AQP2: variants seen among roughly 807,000 people sequenced by gnomAD.
The protein encoded by AQP2 is aquaporin 2, also known as aquaporin-2.
Under a neutral mutation model 21.6 loss-of-function variants are expected in AQP2, and 20 were observed. The observed-to-expected ratio is 0.92, with a 90% CI of 0.65 to 1.34. AQP2 has a LOEUF of 1.34. Ranked by LOEUF, AQP2 falls within the 40% of genes most tolerant of loss-of-function variation. AQP2 has a pLI of 0.00. For synonymous variants in AQP2, 168 were observed against 166.9 expected (o/e 1.01, Z -0.05); for missense variants, 325 against 363.4 (o/e 0.89, Z 0.86).
intron 1 of AQP2, among the ~76,000 whole-genome samples, chr12:49,952,423 G>A (rs1565636045): frequency 6.6e-6 from 1 of 152,204 alleles, no homozygotes; most frequent in Non-Finnish European, 1.5e-5. Context: ...TCTTTAAAGA[G>A]GAAAATATGA....
At chr12:49,951,441 C>T (rs1238634751) in intron 1 of AQP2, 2 of 566,580 alleles carry the variant, frequency 3.5e-6, no homozygotes, top group Non-Finnish European at 6.1e-6. Context: ...GGAAGAGCCT[C>T]ATCCAGGTTT....
At chr12:49,955,284 A>G in intron 3 of AQP2, 115 bp from the exon 4 acceptor site, 1 of 1,060,814 alleles carries the variant, frequency 9.4e-7, no homozygotes, top group Non-Finnish European at 1.3e-6. Flanking sequence ...TAAGCATTTT[A>G]CTAGATTAAT....
At chr12:49,954,472 A>G (rs1285423045) in intron 2 of AQP2, 153 bp downstream of exon 2, 2 of 1,204,662 alleles carry the variant, frequency 1.7e-6, no homozygotes, top group Non-Finnish European at 2.4e-6. Flanking sequence ...CCCCAGAGGG[A>G]CAGATATCAC....
In AQP2 at chr12:49,955,525, G is replaced by A. The variant is rs1363342807; in HGVS notation, c.733G>A (p.Asp245Asn). ...AVLKGLEPDT[D>N]WEEREVRRRQ... Reference sequence around the variant, plus strand: ...GCTGAAGGGCCTGGAGCCGGACACCGATTGGGAGGAGCGCGAGGTGCGACG... The same window carrying A: ...GCTGAAGGGCCTGGAGCCGGACACCAATTGGGAGGAGCGCGAGGTGCGACG... Residue 245 changes from aspartate to asparagine, a missense_variant, in exon 4 of 4, where the codon GAT becomes AAT. Asp to Asn is a conservative substitution (Grantham distance 23). Coordinates refer to ENST00000199280, the MANE Select transcript of AQP2 (RefSeq NM_000486.6). 3 of 1,611,584 alleles carry A rather than the reference G, an allele frequency of 1.9e-6. No homozygotes were observed. The highest frequency in any genetic ancestry group is 2.5e-6 in the Non-Finnish European group (3 of 1,179,578).
rs780916640 is a variant in AQP2 at position 49,955,417 on chromosome 12, CT to C, written c.626del (p.Leu209ArgfsTer29). The C allele has an allele frequency of 6.2e-7, 1 of 1,612,616 alleles. No individual in the cohort carries two copies. On this transcript the variant is annotated frameshift_variant, in exon 4 of 4. Coordinates refer to ENST00000199280, the MANE Select transcript of AQP2 (RefSeq NM_000486.6). LOFTEE classifies it high-confidence loss of function. ...CCCCCAGGTCTTCTGGATCGGACCCCTGGTGGGCGCCATCCTGGGCTCCCTC... is the reference window on the plus strand; with the variant it reads ...CCCCCAGGTCTTCTGGATCGGACCCCGGTGGGCGCCATCCTGGGCTCCCTC... ...DDHWVFWIGPLVGAILGSLLY... is the reference protein window; with the variant it reads ...DDHWVFWIGPXVGAILGSLLY...
Position 49,957,608 on chromosome 12 carries a change from GCT to G in AQP2, c.*2005_*2006del, listed in dbSNP as rs1176561438. 6.6e-6 allele frequency: 1 copy of G among 152,238 alleles called. No homozygotes were observed. Among genetic ancestry groups the G allele is most frequent in the African/African-American group, 2.4e-5 (1 of 41,420 alleles). 9.4% of individuals were successfully genotyped at this position (152,238 alleles called of 1,614,324 possible). A position where few individuals can be genotyped will look rare whatever the true frequency, so the allele number is the denominator to read the frequency against. On this transcript the variant is annotated 3_prime_UTR_variant, in exon 4 of 4. Transcript: ENST00000199280. Reference sequence around the variant, plus strand: ...CTCTTTCCTGTCTTCCTTGACCAAAGCTCTCTTTGAGGTCCAAAAAAGGCTGC... The same window carrying G: ...CTCTTTCCTGTCTTCCTTGACCAAAGCTCTTTGAGGTCCAAAAAAGGCTGC...
chr12:49,955,993 C>T lies in AQP2; in HGVS notation c.*385C>T, dbSNP rs1051867219. ...TGCCTTGGGGGTTCCGGGAATGATG[C>T]AACTGGTTTTACTAGTGTGCAAGTG... On this transcript the variant is annotated 3_prime_UTR_variant, in exon 4 of 4. Transcript: ENST00000199280. 2 of 406,516 alleles carry T rather than the reference C, an allele frequency of 4.9e-6. No individual in the cohort carries two copies. The highest frequency in any genetic ancestry group is 9.2e-6 in the Non-Finnish European group (2 of 216,564). The allele number at this position is 406,516 out of a possible 1,614,324, so 25.2% of individuals were successfully genotyped here.
intron 1 of AQP2, among the ~76,000 whole-genome samples, 182 bp from the exon 2 acceptor site, chr12:49,953,973 C>A (rs1947347489): frequency 6.6e-6 from 1 of 152,134 alleles, no homozygotes; most frequent in Non-Finnish European, 1.5e-5. Flanking sequence ...TCAGGGGCTG[C>A]CTTTGGGCCA....
rs1240491953 is a variant in AQP2, at chr12:49,950,956, A to G, written c.126A>G (p.Leu42=). The change falls in exon 1 of 4, where the codon CTA becomes CTG. Residue 42 remains leucine (L), a synonymous_variant. Coordinates refer to ENST00000199280, the MANE Select transcript of AQP2 (RefSeq NM_000486.6). ...GGCCACAGGCCCTGCCCTCTGTGCTACAGATTGCCATGGCGTTTGGCTTGG... is the reference window on the plus strand; with the variant it reads ...GGCCACAGGCCCTGCCCTCTGTGCTGCAGATTGCCATGGCGTTTGGCTTGG... The part of the protein sequence containing the change: ...LNWPQALPSV[L]QIAMAFGLGI... The G allele has an allele frequency of 6.2e-7, 1 of 1,614,158 alleles. No homozygotes were observed. Among genetic ancestry groups the G allele is most frequent in the Admixed American group, 1.7e-5 (1 of 60,030 alleles).
chr12:49,951,007 G>A lies in AQP2; in HGVS notation c.177G>A (p.Leu59=). Reference sequence around the variant, plus strand: ...GTATTGGCACCCTGGTACAGGCTCTGGGCCACATAAGCGGGGCCCACATCA... The same window carrying A: ...GTATTGGCACCCTGGTACAGGCTCTAGGCCACATAAGCGGGGCCCACATCA... ...GLGIGTLVQA[L]GHISGAHINP... is the part of the protein sequence containing the mutation. The change falls in exon 1 of 4, where the codon CTG becomes CTA. Residue 59 remains leucine, a synonymous_variant. Transcript: ENST00000199280. 6.2e-7 allele frequency: 1 copy of A among 1,614,096 alleles called. No homozygotes were observed. The highest frequency in any genetic ancestry group is 8.5e-7 in the Non-Finnish European group (1 of 1,180,042).
chr12:49,953,988 C>T, intron 1 of AQP2, 167 bp from the exon 2 acceptor site: 3 of 1,004,364 alleles, frequency 3.0e-6, no homozygotes, highest in Admixed American at 3.8e-5. Flanking sequence ...GGGCCAGGGC[C>T]CAGGAAGAAG....
intron 1 of AQP2, 106 bp from the exon 2 acceptor site, chr12:49,954,049 C>T (rs963673323): frequency 1.3e-6 from 2 of 1,504,962 alleles, no homozygotes. Flanking sequence ...GTTCCGGCTC[C>T]CAGCCCAGAG....
rs1947326245 is a variant in AQP2 at position 49,951,131 on chromosome 12, G to A, written c.301G>A (p.Ala101Thr). ...CCAGCTGCTGGGGGCTGTGGCCGGAGCCGCTCTGCTCCATGAGATCACGCC... is the reference window on the plus strand; with the variant it reads ...CCAGCTGCTGGGGGCTGTGGCCGGAACCGCTCTGCTCCATGAGATCACGCC... ...AAQLLGAVAG[A>T]ALLHEITPAD... is the part of the protein sequence containing the mutation. The change falls in exon 1 of 4, where the codon GCC becomes ACC. Residue 101 changes from alanine (A) to threonine (T), a missense_variant. Ala to Thr is a moderately conservative substitution (Grantham distance 58, BLOSUM62 0). Coordinates refer to ENST00000199280, the MANE Select transcript of AQP2 (RefSeq NM_000486.6). 1 of 1,606,824 alleles carries A rather than the reference G, an allele frequency of 6.2e-7. No individual in the cohort carries two copies. The highest frequency in any genetic ancestry group is 1.7e-5 in the Admixed American group (1 of 59,778).
chr12:49,954,084 T>G (rs1665022614), intron 1 of AQP2, 71 bp from the exon 2 acceptor site: 1 of 1,587,414 alleles, frequency 6.3e-7, no homozygotes, highest in African/African-American at 1.3e-5. Context: ...CGACTGCAGG[T>G]GGACAGGAAG....
rs1242559425 is a variant in AQP2 at position 49,955,315 on chromosome 12, C to A, written c.607-84C>A. ...TTAATGTCGGGGAGGAGAGGTGCGG[C>A]CGCAGAGTGTGCCGCCGGGGCCTGC... is the stretch of plus-strand genomic sequence containing the variant. On this transcript the variant is annotated intron_variant, in intron 3 of 3. Coordinates refer to ENST00000199280, the MANE Select transcript of AQP2 (RefSeq NM_000486.6). 3.6e-6 allele frequency: 5 copies of A among 1,371,660 alleles called. No homozygotes were observed. The African/African-American group carries it at 7.3e-5, about 20-fold the overall frequency. 85.0% of individuals were successfully genotyped at this position (1,371,660 alleles called of 1,614,324 possible).
At chr12:49,954,818 C>A in intron 3 of AQP2, 108 bp downstream of exon 3, 1 of 1,232,852 alleles carries the variant, frequency 8.1e-7, no homozygotes, top group East Asian at 2.4e-5. Context: ...ACCCCAAACC[C>A]TCCACACTCC....
At chr12:49,952,310 G>A (rs371701152) in intron 1 of AQP2, among the ~76,000 whole-genome samples, 2 of 152,018 alleles carry the variant, frequency 1.3e-5, no homozygotes, top group Non-Finnish European at 2.9e-5. Context: ...GACTCGCCAC[G>A]TTGGTAAGGC....
Position 49,954,706 on chromosome 12 carries a change from A to T in AQP2, c.602A>T (p.His201Leu), listed in dbSNP as rs1003892725. 1.9e-6 allele frequency: 3 copies of T among 1,614,064 alleles called. No homozygotes were observed. The highest frequency in any genetic ancestry group is 2.5e-6 in the Non-Finnish European group (3 of 1,179,914). Residue 201 changes from histidine to leucine, a missense_variant, in exon 3 of 4, where the codon CAC becomes CTC. Physicochemically the swap from His to Leu is moderately conservative, Grantham distance 99 (BLOSUM62 -3). Coordinates refer to ENST00000199280, the MANE Select transcript of AQP2 (RefSeq NM_000486.6). ...PAVVTGKFDDHWVFWIGPLVG... is the reference protein window; with the variant it reads ...PAVVTGKFDDLWVFWIGPLVG... ...GTCGTCACTGGCAAATTTGATGACCACTGGGTAATGGCTGAAACCCCCTGC... is the reference window on the plus strand; with the variant it reads ...GTCGTCACTGGCAAATTTGATGACCTCTGGGTAATGGCTGAAACCCCCTGC...
At chr12:49,952,766 G>A (rs772081270) in intron 1 of AQP2, among the ~76,000 whole-genome samples, 1 of 152,172 alleles carries the variant, frequency 6.6e-6, no homozygotes, top group Non-Finnish European at 1.5e-5. Context: ...ATGGAATGGG[G>A]CAGTGGTGGG....
Sources: allele counts gnomAD v4.1 joint callset (sites outside exome capture counted in the v4.1 genomes callset), GRCh38; gene constraint gnomAD v4.1.1; transcripts MANE v1.5; gene names NCBI Gene and HGNC (gene_info 2026-07-23, HGNC 2026-07-21).